Variants in GFRA1 observed in about 807,000 individuals in gnomAD.
The protein encoded by GFRA1 is GDNF family receptor alpha-1.
GFRA1 carries 16 observed loss-of-function variants against 51.6 expected under a neutral mutation model. The observed-to-expected ratio is 0.31, with a 90% confidence interval of 0.21 to 0.47. The LOEUF (loss-of-function observed/expected upper bound fraction) is 0.47, where lower values mean the gene tolerates loss of function less well. Among genes scored for constraint, GFRA1 ranks in the 20% least tolerant of loss-of-function variants. The pLI is 1.00. For missense variants in GFRA1, 530 were observed against 594.3 expected (o/e 0.89, Z 1.13); for synonymous variants, 270 against 241.3 (o/e 1.12, Z -1.10).
At chr10:116,251,218 A>C (rs1968325143) in intron 4 of GFRA1, among the ~76,000 whole-genome samples, 2 of 152,146 alleles carry the variant, frequency 1.3e-5, no homozygotes, top group Admixed American at 1.3e-4. Flanking sequence ...TGTCCCTAGG[A>C]CCCTAGCACA....
intron 4 of GFRA1, among the ~76,000 whole-genome samples, chr10:116,240,677 A>C (rs1967285750): frequency 1.3e-5 from 2 of 152,034 alleles, no homozygotes; most frequent in Admixed American, 6.6e-5. Context: ...TAACTCTCTA[A>C]CCCATTCACC....
intron 6 of GFRA1, among the ~76,000 whole-genome samples, chr10:116,098,796 CA>C (rs1359619810): frequency 1.3e-5 from 2 of 152,236 alleles, no homozygotes; most frequent in African/African-American, 4.8e-5. Flanking sequence ...TTTTGCTTAA[CA>C]ACCTCGGAAT....
intron 5 of GFRA1, among the ~76,000 whole-genome samples, chr10:116,194,066 T>TAAAA (rs1051845471): frequency 4.8e-4 from 13 of 26,990 alleles, no homozygotes; most frequent in East Asian, 4.0e-3. Context: ...AAATAAAATT[T>TAAAA]AAAAAAAAAA....
chr10:116,133,621 A>G (rs920297868), intron 5 of GFRA1, among the ~76,000 whole-genome samples: 1 of 152,204 alleles, frequency 6.6e-6, no homozygotes. Context: ...GTTCTAATGT[A>G]ATCTGCCTTT....
intron 5 of GFRA1, among the ~76,000 whole-genome samples, chr10:116,127,425 G>A (rs904612321): frequency 6.6e-6 from 1 of 152,166 alleles, no homozygotes; most frequent in Non-Finnish European, 1.5e-5. Context: ...ATTCCCTGGC[G>A]CCATGAGTCA....
chr10:116,185,505 T>G (rs1027544576), intron 5 of GFRA1, among the ~76,000 whole-genome samples: 2 of 152,176 alleles, frequency 1.3e-5, no homozygotes, highest in Admixed American at 1.3e-4. Context: ...GGCACCAAGC[T>G]GCCCAGCCTG....
At chr10:116,124,526 C>T (rs1289378342) in intron 6 of GFRA1, among the ~76,000 whole-genome samples, 3 of 152,196 alleles carry the variant, frequency 2.0e-5, no homozygotes, top group Non-Finnish European at 2.9e-5. Context: ...CCACCACACC[C>T]GGCCAGTTTT....
intron 5 of GFRA1, among the ~76,000 whole-genome samples, chr10:116,178,480 T>C (rs935514257): frequency 6.6e-6 from 1 of 152,204 alleles, no homozygotes; most frequent in African/African-American, 2.4e-5. Flanking sequence ...ACTCGGCGAG[T>C]GTACCACTTC....
At chr10:116,234,366 CAG>C (rs1966842366) in intron 4 of GFRA1, among the ~76,000 whole-genome samples, 1 of 152,164 alleles carries the variant, frequency 6.6e-6, no homozygotes, top group African/African-American at 2.4e-5. Context: ...TGAGGGGAAA[CAG>C]GGCCTAGAAT....
intron 5 of GFRA1, among the ~76,000 whole-genome samples, chr10:116,163,221 G>A (rs529796523): frequency 8.5e-5 from 13 of 152,160 alleles, no homozygotes; most frequent in Admixed American, 2.6e-4. Context: ...GCATAACCCC[G>A]TGCTCCATTA....
At chr10:116,268,348 A>G (rs1173202458) in intron 4 of GFRA1, among the ~76,000 whole-genome samples, 1 of 152,238 alleles carries the variant, frequency 6.6e-6, no homozygotes, top group African/African-American at 2.4e-5. Flanking sequence ...TAAGTTAATG[A>G]TGTAACACTT....
chr10:116,073,973 A>G (rs1955512711), intron 9 of GFRA1, among the ~76,000 whole-genome samples: 1 of 152,224 alleles, frequency 6.6e-6, no homozygotes, highest in South Asian at 2.1e-4. Context: ...AAAACCTTTA[A>G]AAGTTTTTTA....
intron 6 of GFRA1, among the ~76,000 whole-genome samples, chr10:116,119,075 C>T (rs926248624): frequency 5.3e-5 from 8 of 152,190 alleles, no homozygotes; most frequent in Non-Finnish European, 1.0e-4. Context: ...AGAGCCCGAG[C>T]TGATAGAGCT....
intron 9 of GFRA1, among the ~76,000 whole-genome samples, chr10:116,082,353 T>C (rs1040474294): frequency 1.3e-5 from 2 of 152,202 alleles, no homozygotes; most frequent in Non-Finnish European, 2.9e-5. Flanking sequence ...TTCCCTTCCT[T>C]CTTGGCCTGG....
chr10:116,178,757 TG>T (rs1479164458), intron 5 of GFRA1, among the ~76,000 whole-genome samples: 1 of 151,686 alleles, frequency 6.6e-6, no homozygotes, highest in African/African-American at 2.4e-5. Context: ...GAAGGAAGAG[TG>T]GTACTCTAAC....
At chr10:116,194,623 C>A (rs535812012) in intron 5 of GFRA1, among the ~76,000 whole-genome samples, 1 of 152,138 alleles carries the variant, frequency 6.6e-6, no homozygotes, top group East Asian at 1.9e-4. Context: ...AGAAAAGAAA[C>A]AAACCCACTG....
chr10:116,110,260 A>G (rs1321632434), intron 6 of GFRA1, among the ~76,000 whole-genome samples: 3 of 152,098 alleles, frequency 2.0e-5, no homozygotes, highest in Non-Finnish European at 2.9e-5. Flanking sequence ...GATTTCACTG[A>G]GCATTAAACT....
chr10:116,217,611 T>C (rs962827755), intron 4 of GFRA1, among the ~76,000 whole-genome samples: 4 of 152,208 alleles, frequency 2.6e-5, no homozygotes, highest in South Asian at 2.1e-4. Flanking sequence ...GCATGTTCAA[T>C]AGGTGAAAGT....
In GFRA1 at chr10:116,064,431, C is replaced by T. The variant is rs200081892; in HGVS notation, c.1365G>A (p.Leu455=). The change falls in exon 11 of 11, where the codon CTG becomes CTA. Residue 455 remains leucine, a synonymous_variant. Coordinates refer to ENST00000355422, the MANE Select transcript of GFRA1 (RefSeq NM_005264.8). ...TTTCTGTTAAAGATAATAGGGTGGA[C>T]AGAGCGGTTACCACCAGGACCAGCA... ...SPLLVLVVTA[L]STLLSLTETS is the part of the protein sequence containing the mutation. The T allele has an allele frequency of 5.0e-6, 8 of 1,612,822 alleles. No individual in the cohort carries two copies. In the East Asian group the frequency reaches 1.6e-4, roughly 31 times the overall value.
Sources: allele counts gnomAD v4.1 joint callset (sites outside exome capture counted in the v4.1 genomes callset), GRCh38; gene constraint gnomAD v4.1.1; transcripts MANE v1.5; gene names NCBI Gene and HGNC (gene_info 2026-07-23, HGNC 2026-07-21).